Variants in MLLT1 observed in about 807,000 individuals in gnomAD.
MLLT1 encodes the protein MLLT1 super elongation complex subunit.
A neutral mutation model predicts 55.1 loss-of-function variants in MLLT1; 11 were observed. The observed-to-expected ratio is 0.20, with a 90% CI of 0.13 to 0.33. The LOEUF (loss-of-function observed/expected upper bound fraction) is 0.33. Ranked by LOEUF, MLLT1 falls within the 10% of genes least tolerant of loss-of-function variation. The pLI, the probability that MLLT1 is intolerant of heterozygous loss-of-function variation, is 1.00. For missense variants in MLLT1, 536 were observed against 760.6 expected (o/e 0.70, Z 3.47); for synonymous variants, 323 against 320.1 (o/e 1.01, Z -0.10).
intron 3 of MLLT1, among the ~76,000 whole-genome samples, chr19:6,257,419 A>T (rs915547791): frequency 1.4e-4 from 21 of 151,990 alleles, no homozygotes; most frequent in African/African-American, 5.1e-4. Context: ...AAACACCTAA[A>T]AAAGGGGAAA....
intron 3 of MLLT1, among the ~76,000 whole-genome samples, chr19:6,238,235 A>G (rs1600191165): frequency 1.3e-5 from 2 of 152,352 alleles, no homozygotes; most frequent in African/African-American, 4.8e-5. Flanking sequence ...GGCTCTAGAG[A>G]GCTGACTGTG....
chr19:6,220,906 C>T (rs918382341), intron 6 of MLLT1, among the ~76,000 whole-genome samples: 4 of 152,204 alleles, frequency 2.6e-5, no homozygotes, highest in Non-Finnish European at 2.9e-5. Context: ...GCCCCCCCAC[C>T]GCCTCAGGGT....
chr19:6,250,329 A>G (rs540674905), intron 3 of MLLT1, among the ~76,000 whole-genome samples: 1 of 152,322 alleles, frequency 6.6e-6, no homozygotes, highest in East Asian at 1.9e-4. Flanking sequence ...GCAATATAAA[A>G]TGGTTTGGCT....
At chr19:6,238,465 C>T (rs756186869) in intron 3 of MLLT1, among the ~76,000 whole-genome samples, 6 of 152,236 alleles carry the variant, frequency 3.9e-5, no homozygotes, top group Non-Finnish European at 8.8e-5. Flanking sequence ...GAAAGCACCC[C>T]ATGCAGGCTG....
chr19:6,257,611 G>A (rs936953369), intron 3 of MLLT1, among the ~76,000 whole-genome samples: 11 of 152,118 alleles, frequency 7.2e-5, no homozygotes, highest in Non-Finnish European at 1.0e-4. Context: ...GACCAGCCTC[G>A]CAAACATGGC....
At chr19:6,252,997 C>G (rs938645066) in intron 3 of MLLT1, among the ~76,000 whole-genome samples, 3 of 152,014 alleles carry the variant, frequency 2.0e-5, no homozygotes, top group East Asian at 3.9e-4. Flanking sequence ...GGCATGGTGG[C>G]TCACGACTGT....
In MLLT1 at chr19:6,214,082, C is replaced by T. The variant is rs749810614; in HGVS notation, c.1308-44G>A. On this transcript the variant is annotated intron_variant, in intron 8 of 11. Coordinates refer to ENST00000252674, the MANE Select transcript of MLLT1 (RefSeq NM_005934.4). The stretch of plus-strand genomic sequence containing the variant: ...GCGCATCAGGCCCCTGCCGCCACCA[C>T]GGCCCCCACCCCACCCCCAGGCTCA... The T allele has an allele frequency of 4.6e-5, 57 of 1,243,012 alleles. No homozygotes were observed. In the Middle Eastern group the frequency reaches 1.7e-3, roughly 37 times the overall value. 77.0% of individuals were successfully genotyped at this position (1,243,012 alleles called of 1,614,324 possible).
Position 6,222,174 on chromosome 19 carries a change from C to T in MLLT1, c.1057G>A (p.Ala353Thr). Residue 353 changes from alanine (A) to threonine (T), a missense_variant, in exon 6 of 12, where the codon GCC becomes ACC. By Grantham distance (58) the Ala-to-Thr change is moderately conservative. Around this residue, in one of 3 missense-constraint regions of MLLT1, gnomAD observed 449 missense variants for 489.0 expected, o/e 0.92. Transcript: ENST00000252674. The surrounding 1 kb of genome is among the most constrained non-coding windows in gnomAD (Gnocchi z 4.1). ...GAGTTGGACTCCTCCACCTCCAGGG[C>T]CTTTTTGGCCTCCCGGGGCTCACTC... ...AESEPREAKKALEVEESNSED... is the reference protein window; with the variant it reads ...AESEPREAKKTLEVEESNSED... 6.3e-7 allele frequency: 1 copy of T among 1,583,174 alleles called. No homozygotes were observed. The highest frequency in any genetic ancestry group is 8.6e-7 in the Non-Finnish European group (1 of 1,164,272).
intron 3 of MLLT1, among the ~76,000 whole-genome samples, chr19:6,250,164 A>G (rs2091200911): frequency 6.6e-6 from 1 of 152,220 alleles, no homozygotes; most frequent in South Asian, 2.1e-4. Flanking sequence ...AAGATGCTCA[A>G]CTTCATTAAT....
intron 1 of MLLT1, among the ~76,000 whole-genome samples, chr19:6,276,006 C>A (rs1287764836): frequency 6.6e-6 from 1 of 152,212 alleles, no homozygotes; most frequent in South Asian, 2.1e-4. Context: ...ATACAGGCAT[C>A]TGTCACCAGA....
intron 1 of MLLT1, among the ~76,000 whole-genome samples, chr19:6,276,375 T>C (rs1426026004): frequency 1.3e-5 from 2 of 152,120 alleles, no homozygotes; most frequent in Non-Finnish European, 2.9e-5. Context: ...CATTTCCACA[T>C]CTGTGAAATG....
rs2090879234 is a variant in MLLT1, at chr19:6,219,915, A to G, written c.1111-1874T>C. On this transcript the variant is annotated intron_variant, in intron 6 of 11. Coordinates refer to ENST00000252674, the MANE Select transcript of MLLT1 (RefSeq NM_005934.4). The surrounding 1 kb of genome is among the most constrained non-coding windows in gnomAD (Gnocchi z 4.5). Reference sequence around the variant, plus strand: ...GCCCAAATCCAAGGGGCAGGGAGGAAAAGAATCCGGAAATGGTCTCAGCCA... The same window carrying G: ...GCCCAAATCCAAGGGGCAGGGAGGAGAAGAATCCGGAAATGGTCTCAGCCA... Among the ~76,000 whole-genome samples the G allele has an allele frequency of 1.3e-5, 2 of 152,186 alleles. No individual in the cohort carries two copies. The highest frequency in any genetic ancestry group is 4.8e-5 in the African/African-American group (2 of 41,448).
Position 6,211,456 on chromosome 19 carries a change from G to T in MLLT1, c.*1586C>A. ...TGGAGGCATGGGTCCCCACCAAGGAGTGTTCAGGATCTGCTGACAGAATCA... is the reference window on the plus strand; with the variant it reads ...TGGAGGCATGGGTCCCCACCAAGGATTGTTCAGGATCTGCTGACAGAATCA... On this transcript the variant is annotated 3_prime_UTR_variant, in exon 12 of 12. Coordinates refer to ENST00000252674, the MANE Select transcript of MLLT1 (RefSeq NM_005934.4). This position sits in a 1 kb window ranked among gnomAD's most constrained non-coding sequence, Gnocchi z 4.6. 1 of 342,688 alleles carries T rather than the reference G, an allele frequency of 2.9e-6. No individual in the cohort carries two copies. Among genetic ancestry groups the T allele is most frequent in the Non-Finnish European group, 4.6e-6 (1 of 218,374 alleles). 21.2% of individuals were successfully genotyped at this position (342,688 alleles called of 1,614,324 possible). A position where few individuals can be genotyped will look rare whatever the true frequency, so the allele number is the denominator to read the frequency against.
chr19:6,256,254 T>TAAATAAATAAAA lies in MLLT1; in HGVS notation c.276+5973_276+5974insTTTTATTTATTT, dbSNP rs776012193. 7.4e-4 allele frequency among the ~76,000 whole-genome samples: 110 copies of TAAATAAATAAAA among 148,408 alleles called. No homozygotes were observed. The highest frequency in any genetic ancestry group is 2.5e-3 in the African/African-American group (99 of 40,122). ...ATAAATAAATAAATAAATAAATAAA[T>TAAATAAATAAAA]AAAAAGACCAGCCTGGGCAACACAA... On this transcript the variant is annotated intron_variant, in intron 3 of 11. Transcript: ENST00000252674. This position sits in a 1 kb window ranked among gnomAD's most constrained non-coding sequence, Gnocchi z 4.1.
At chr19:6,243,211 G>A (rs1332313066) in intron 3 of MLLT1, among the ~76,000 whole-genome samples, 1 of 152,094 alleles carries the variant, frequency 6.6e-6, no homozygotes, top group Non-Finnish European at 1.5e-5. Context: ...GTCCCAGCCC[G>A]AGCAGGGCCA....
At chr19:6,268,968 T>A (rs568582494) in intron 2 of MLLT1, among the ~76,000 whole-genome samples, 34 of 152,110 alleles carry the variant, frequency 2.2e-4, no homozygotes, top group African/African-American at 7.5e-4. Context: ...AGCCTCAAAG[T>A]GGATGGAAAT....
In MLLT1 at chr19:6,229,620, C is replaced by T. The variant is rs142001267; in HGVS notation, c.420+950G>A. On this transcript the variant is annotated intron_variant, in intron 4 of 11. Coordinates refer to ENST00000252674, the MANE Select transcript of MLLT1 (RefSeq NM_005934.4). The surrounding 1 kb of genome is among the most constrained non-coding windows in gnomAD (Gnocchi z 5.2). ...CTTCCCGCAAGTGACACGACACACA[C>T]GCCATGCACACACCATACATGACAC... 0.012 allele frequency among the ~76,000 whole-genome samples: 1,796 copies of T among 151,980 alleles called. 39 individuals are homozygous for T. The highest frequency in any genetic ancestry group is 0.014 in the Non-Finnish European group (938 of 67,942).
Position 6,235,355 on chromosome 19 carries a change from A to G in MLLT1, c.277-4642T>C, listed in dbSNP as rs1388435102. Among the ~76,000 whole-genome samples the G allele has an allele frequency of 6.6e-6, 1 of 152,194 alleles. No homozygotes were observed. The highest frequency in any genetic ancestry group is 1.5e-5 in the Non-Finnish European group (1 of 68,020). ...GCCACGGTCCTGCCTCCTAGGCCTC[A>G]GGTTCCTCACGGGCAGCATGGGGGG... On this transcript the variant is annotated intron_variant, in intron 3 of 11. Transcript: ENST00000252674. The surrounding 1 kb of genome is among the most constrained non-coding windows in gnomAD (Gnocchi z 5.5).
rs2091313804 is a variant in MLLT1 at position 6,262,458 on chromosome 19, C to T, written c.194-148G>A. On this transcript the variant is annotated intron_variant, in intron 2 of 11. Transcript: ENST00000252674. The surrounding 1 kb of genome is among the most constrained non-coding windows in gnomAD (Gnocchi z 4.4). Reference sequence around the variant, plus strand: ...GGGTGGCTTTTCAGGAGGTTAAGCCCCCGACAGGATTGACTTCCACGGCAA... The same window carrying T: ...GGGTGGCTTTTCAGGAGGTTAAGCCTCCGACAGGATTGACTTCCACGGCAA... The T allele has an allele frequency of 3.3e-6, 2 of 615,054 alleles. No homozygotes were observed. The highest frequency in any genetic ancestry group is 2.9e-5 in the Admixed American group (1 of 34,438). 38.1% of individuals were successfully genotyped at this position (615,054 alleles called of 1,614,324 possible).
Sources: gnomAD v4.1 joint callset for allele counts (sites outside exome capture counted in the v4.1 genomes callset) on GRCh38, gnomAD v4.1.1 for gene constraint, gnomAD v4.1.1 regional missense constraint, Gnocchi (gnomAD v3.1) non-coding constraint, MANE v1.5 for transcripts, NCBI Gene and HGNC (gene_info 2026-07-23, HGNC 2026-07-21) for gene names.